Variants in CATSPER2 observed in about 807,000 individuals in gnomAD.
CATSPER2 encodes the protein cation channel sperm associated 2.
CATSPER2 carries 56 observed loss-of-function variants against 68.8 expected under a neutral mutation model. The ratio of observed to expected loss-of-function variants is 0.81; its 90% CI spans 0.66 to 1.02. The LOEUF (loss-of-function observed/expected upper bound fraction) is 1.02. CATSPER2 is among the 50% of genes least tolerant of loss of function. The pLI, the probability that CATSPER2 is intolerant of heterozygous loss-of-function variation, is 0.00. For synonymous variants in CATSPER2, 198 were observed against 229.9 expected (o/e 0.86, Z 1.26); for missense variants, 582 against 642.0 (o/e 0.91, Z 1.01).
chr15:43,632,620 G>A, intron 11 of CATSPER2, 97 bp downstream of exon 11: 1 of 1,599,800 alleles, frequency 6.3e-7, no homozygotes, highest in South Asian at 1.1e-5. Context: ...AATTGGAAAG[G>A]AGATATACTA....
In CATSPER2 at chr15:43,648,048, T is replaced by C; in HGVS notation, c.14A>G (p.Gln5Arg). MAAY[Q>R]QEEQMQLPRA... ...GGGAAGCTGCATCTGCTCTTCTTGT[T>C]GGTAAGCGGCCATGTCTGCTAAGAA... Residue 5 changes from glutamine (Q) to arginine (R), a missense_variant, in exon 2 of 13, where the codon CAA becomes CGA. Transcript: ENST00000396879. 1 of 1,613,664 alleles carries C rather than the reference T, an allele frequency of 6.2e-7. No homozygotes were observed. Among genetic ancestry groups the C allele is most frequent in the South Asian group, 1.1e-5 (1 of 91,034 alleles).
chr15:43,646,599 C>T (rs2086168671), intron 4 of CATSPER2, among the ~76,000 whole-genome samples: 1 of 151,492 alleles, frequency 6.6e-6, no homozygotes, highest in Non-Finnish European at 1.5e-5. Flanking sequence ...AATTCTACTC[C>T]AGGAGGCTTA....
intron 7 of CATSPER2, among the ~76,000 whole-genome samples, chr15:43,637,988 T>C (rs1286845934): frequency 6.6e-6 from 1 of 151,508 alleles, no homozygotes; most frequent in Non-Finnish European, 1.5e-5. Flanking sequence ...AGTTTCACTC[T>C]TTGTTGCCCA....
chr15:43,635,170 A>G (rs777167317), intron 10 of CATSPER2, 190 bp downstream of exon 10: 29 of 659,950 alleles, frequency 4.4e-5, no homozygotes, highest in Non-Finnish European at 8.0e-5. Flanking sequence ...TTTTTTTCCA[A>G]ATAAGGTCAC....
chr15:43,647,102 G>A lies in CATSPER2; in HGVS notation c.336C>T (p.Asn112=), dbSNP rs143260863. The A allele has an allele frequency of 2.2e-5, 35 of 1,612,742 alleles. 1 individual carries two copies. The highest frequency in any genetic ancestry group is 2.7e-5 in the Non-Finnish European group (32 of 1,178,948). The change falls in exon 4 of 13, where the codon AAC becomes AAT. Residue 112 remains asparagine (N), a synonymous_variant. Transcript: ENST00000396879. ...GWVLECPLFK[N]FIIFLVFLNT... Reference sequence around the variant, plus strand: ...TCAAAAAGACCAGGAAGATGATGAAGTTTTTGAAGAGAGGACCTGTTGTCT... The same window carrying A: ...TCAAAAAGACCAGGAAGATGATGAAATTTTTGAAGAGAGGACCTGTTGTCT...
Position 43,630,508 on chromosome 15 carries a change from C to A in CATSPER2, c.*193G>T. 7.9e-7 allele frequency: 1 copy of A among 1,264,300 alleles called. No homozygotes were observed. Among genetic ancestry groups the A allele is most frequent in the Non-Finnish European group, 1.1e-6 (1 of 918,392 alleles). 78.3% of individuals were successfully genotyped at this position (1,264,300 alleles called of 1,614,324 possible). A position where few individuals can be genotyped will look rare whatever the true frequency, so the allele number is the denominator to read the frequency against. On this transcript the variant is annotated 3_prime_UTR_variant, in exon 13 of 13. Transcript: ENST00000396879. ...TAGCTATGATTACAAGCATCTGCCACCACACCCAGCTAATTTTTTTGTATT... is the reference window on the plus strand; with the variant it reads ...TAGCTATGATTACAAGCATCTGCCAACACACCCAGCTAATTTTTTTGTATT...
At position 43,648,038 on chromosome 15, in the gene CATSPER2, C is replaced by T. The variant is rs200885196; in HGVS notation, c.24G>A (p.Glu8=). ...CATCAGCTCGGGGAAGCTGCATCTG[C>T]TCTTCTTGTTGGTAAGCGGCCATGT... MAAYQQE[E]QMQLPRADAI... is the part of the protein sequence containing the mutation. The change falls in exon 2 of 13, where the codon GAG becomes GAA. Residue 8 remains glutamate (E), a synonymous_variant. Coordinates refer to ENST00000396879, the MANE Select transcript of CATSPER2 (RefSeq NM_172095.4). The T allele has an allele frequency of 4.5e-5, 73 of 1,613,574 alleles. 1 individual carries two copies. Among genetic ancestry groups the T allele is most frequent in the Non-Finnish European group, 5.6e-5 (66 of 1,179,784 alleles).
chr15:43,644,160 C>T (rs1399149530), intron 4 of CATSPER2, among the ~76,000 whole-genome samples: 4 of 151,854 alleles, frequency 2.6e-5, no homozygotes, highest in Non-Finnish European at 2.9e-5. Context: ...GTTGTGGAAG[C>T]AGATTTTTTT....
chr15:43,647,006 C>T lies in CATSPER2; in HGVS notation c.388+44G>A, dbSNP rs769821137. ...TGCTAGGATTACACGTGTGAGCCGG[C>T]GTGCCCGGCCTCACTTCCTCTTTCA... is the stretch of plus-strand genomic sequence containing the variant. On this transcript the variant is annotated intron_variant, in intron 4 of 12. Coordinates refer to ENST00000396879, the MANE Select transcript of CATSPER2 (RefSeq NM_172095.4). The T allele has an allele frequency of 2.9e-5, 44 of 1,522,078 alleles. 2 individuals are homozygous for T. The highest frequency in any genetic ancestry group is 4.5e-5 in the East Asian group (2 of 44,438). 94.3% of individuals were successfully genotyped at this position (1,522,078 alleles called of 1,614,324 possible).
rs201445693 is a variant in CATSPER2, at chr15:43,636,233, C to T, written c.843-14G>A. 6.2e-7 allele frequency: 1 copy of T among 1,613,118 alleles called. No homozygotes were observed. The highest frequency in any genetic ancestry group is 8.5e-7 in the Non-Finnish European group (1 of 1,179,374). ...TTCGGGAGGTCCCTAAAGAAAAAGACATGTGAATAGACAGAAGCAGAGACC... is the reference window on the plus strand; with the variant it reads ...TTCGGGAGGTCCCTAAAGAAAAAGATATGTGAATAGACAGAAGCAGAGACC... On this transcript the variant is annotated splice_polypyrimidine_tract_variant and intron_variant, in intron 7 of 12. Transcript: ENST00000396879.
At chr15:43,647,838 C>T (rs1595986126) in intron 2 of CATSPER2, 79 bp downstream of exon 2, 3 of 1,518,624 alleles carry the variant, frequency 2.0e-6, no homozygotes, top group South Asian at 2.3e-5. Context: ...CTAAACCTCC[C>T]CAGAATTTTC....
At chr15:43,632,027 C>G (rs769822167) in intron 12 of CATSPER2, among the ~76,000 whole-genome samples, 172 bp downstream of exon 12, 2 of 151,958 alleles carry the variant, frequency 1.3e-5, no homozygotes, top group Non-Finnish European at 2.9e-5. Flanking sequence ...AAGTGGGACA[C>G]ATTCCCAGAA....
At position 43,648,834 on chromosome 15, in the gene CATSPER2, T is replaced by G. The variant is rs774049579; in HGVS notation, c.-208A>C. The G allele has an allele frequency of 2.6e-6, 4 of 1,529,232 alleles. No individual in the cohort carries two copies. The highest frequency in any genetic ancestry group is 3.5e-6 in the Non-Finnish European group (4 of 1,142,358). 94.7% of individuals were successfully genotyped at this position (1,529,232 alleles called of 1,614,324 possible). ...AGCCCCTACCCACAGCCCAGGACCA[T>G]GCGGAGCAACGCTCGCCCAGCCACT... On this transcript the variant is annotated 5_prime_UTR_variant, in exon 1 of 13. It removes an upstream start codon present in the reference 5' UTR. Coordinates refer to ENST00000396879, the MANE Select transcript of CATSPER2 (RefSeq NM_172095.4).
At position 43,632,202 on chromosome 15, in the gene CATSPER2, C is replaced by T; in HGVS notation, c.1558G>A (p.Ala520Thr). 6.2e-7 allele frequency: 1 copy of T among 1,613,490 alleles called. No homozygotes were observed. Among genetic ancestry groups the T allele is most frequent in the Non-Finnish European group, 8.5e-7 (1 of 1,179,602 alleles). Residue 520 changes from alanine (A) to threonine (T), a missense_variant, in exon 12 of 13, where the codon GCA (alanine) becomes ACA (threonine). Around this residue, in one of 5 missense-constraint regions of CATSPER2, gnomAD observed 235 missense variants for 264.2 expected, o/e 0.89. Transcript: ENST00000396879. The stretch of plus-strand genomic sequence containing the variant: ...CATGACTGCCCTAACTCCATACCTG[C>T]AAACTCTTGTAACTTCTTACGTTCC... ...LEERKKLQEF[A>T]VQALMNLEDK
upstream of CATSPER2, chr15:43,648,864 G>A: frequency 2.6e-6 from 4 of 1,514,106 alleles, no homozygotes; most frequent in South Asian, 2.4e-5. Context: ...GCCACTCGCC[G>A]CCTAGGCCCC....
chr15:43,638,424 G>A (rs1012278037), intron 7 of CATSPER2, among the ~76,000 whole-genome samples: 1 of 150,566 alleles, frequency 6.6e-6, no homozygotes, highest in Non-Finnish European at 1.5e-5. Flanking sequence ...GAGTAGCTGG[G>A]ACTACAGGCG....
chr15:43,632,849 C>A lies in CATSPER2; in HGVS notation c.1264G>T (p.Asp422Tyr), dbSNP rs1184696590. The A allele has an allele frequency of 6.2e-7, 1 of 1,613,422 alleles. No individual in the cohort carries two copies. The highest frequency in any genetic ancestry group is 1.1e-5 in the South Asian group (1 of 90,990). Residue 422 changes from aspartate to tyrosine, a missense_variant, in exon 11 of 13, where the codon GAT becomes TAT. Physicochemically the swap from Asp to Tyr is radical, Grantham distance 160. Transcript: ENST00000396879. ...GTTTTTGATGCAGATGTTATTAAATCCTCTTCAGTGGCACCATAATTAGAC... is the reference window on the plus strand; with the variant it reads ...GTTTTTGATGCAGATGTTATTAAATACTCTTCAGTGGCACCATAATTAGAC... ...VESNYGATEE[D>Y]LITSASKTEE...
intron 11 of CATSPER2, 105 bp downstream of exon 11, chr15:43,632,612 T>C: frequency 3.1e-6 from 5 of 1,589,430 alleles, no homozygotes; most frequent in Non-Finnish European, 4.3e-6. Flanking sequence ...GACCAGAAAA[T>C]TGGAAAGGAG....
chr15:43,648,818 C>G lies in CATSPER2; in HGVS notation c.-192G>C, dbSNP rs181750397. On this transcript the variant is annotated 5_prime_UTR_variant, in exon 1 of 13. Transcript: ENST00000396879. ...CCCGGGACCCGGCCCTAGCCCCTACCCACAGCCCAGGACCATGCGGAGCAA... is the reference window on the plus strand; with the variant it reads ...CCCGGGACCCGGCCCTAGCCCCTACGCACAGCCCAGGACCATGCGGAGCAA... 2.0e-6 allele frequency: 3 copies of G among 1,532,576 alleles called. No individual in the cohort carries two copies. Among genetic ancestry groups the G allele is most frequent in the African/African-American group, 1.4e-5 (1 of 72,282 alleles). The allele number at this position is 1,532,576 out of a possible 1,614,324, so 94.9% of individuals were successfully genotyped here.
Sources: gnomAD v4.1 joint callset for allele counts (sites outside exome capture counted in the v4.1 genomes callset) on GRCh38, gnomAD v4.1.1 for gene constraint, gnomAD v4.1.1 regional missense constraint, MANE v1.5 for transcripts, NCBI Gene and HGNC (gene_info 2026-07-23, HGNC 2026-07-21) for gene names.